Variants in STK31 observed in about 807,000 individuals in gnomAD.
The protein encoded by STK31 is serine/threonine-protein kinase 31.
In STK31, 89 loss-of-function variants were observed where a neutral mutation model predicts 129.7. That is an observed-to-expected ratio of 0.69 (90% CI 0.58 to 0.82). The LOEUF (loss-of-function observed/expected upper bound fraction) is 0.82. Among genes scored for constraint, STK31 ranks in the 40% least tolerant of loss-of-function variants. The pLI, the probability that STK31 is intolerant of heterozygous loss-of-function variation, is 0.00. For synonymous variants in STK31, 448 were observed against 395.3 expected, an observed-to-expected ratio of 1.13 and a Z score of -1.58; for missense variants, 1,187 against 1,176.4, an observed-to-expected ratio of 1.01 and a Z score of -0.13.
intron 20 of STK31, among the ~76,000 whole-genome samples, chr7:23,787,712 C>T (rs1159969188): frequency 3.3e-5 from 5 of 150,400 alleles, no homozygotes; most frequent in South Asian, 2.1e-4. Context: ...TTCATGAAAC[C>T]GGTCCCTGGT....
intron 13 of STK31, among the ~76,000 whole-genome samples, chr7:23,770,594 G>T (rs1189587043): frequency 1.3e-5 from 2 of 152,012 alleles, no homozygotes; most frequent in African/African-American, 4.8e-5. Context: ...GTGTAATACG[G>T]GTAAAGTTTC....
At chr7:23,789,610 G>C (rs928559365) in intron 21 of STK31, among the ~76,000 whole-genome samples, 1 of 152,034 alleles carries the variant, frequency 6.6e-6, no homozygotes, top group African/African-American at 2.4e-5. Flanking sequence ...AAGCTGGATT[G>C]TACAGGATTT....
At chr7:23,819,784 A>G (rs909905289) in intron 23 of STK31, among the ~76,000 whole-genome samples, 1 of 76,638 alleles carries the variant, frequency 1.3e-5, no homozygotes, top group Non-Finnish European at 2.8e-5. Context: ...GGTGTCAAAT[A>G]ATGGAATAGC....
chr7:23,729,070 T>C, intron 5 of STK31, 21 bp from the exon 6 acceptor site: 1 of 1,577,724 alleles, frequency 6.3e-7, no homozygotes, highest in Non-Finnish European at 8.6e-7. Context: ...AGTATTCGTA[T>C]TTGTCTCTTA....
intron 22 of STK31, among the ~76,000 whole-genome samples, chr7:23,797,351 C>T (rs1013551278): frequency 1.3e-5 from 2 of 152,086 alleles, no homozygotes; most frequent in Non-Finnish European, 2.9e-5. Flanking sequence ...CAGAAATTGA[C>T]CACATTATTG....
chr7:23,739,052 AC>A (rs1787893908), intron 8 of STK31, among the ~76,000 whole-genome samples: 1 of 152,228 alleles, frequency 6.6e-6, no homozygotes, highest in Admixed American at 6.5e-5. Flanking sequence ...GAATTGCCAC[AC>A]TGTCTTCCGC....
At position 23,801,692 on chromosome 7, in the gene STK31, A is replaced by G. The variant is rs113841465; in HGVS notation, c.2760+10746A>G. Among the ~76,000 whole-genome samples, 329 of 152,292 alleles carry G rather than the reference A, an allele frequency of 2.2e-3. 3 individuals carry two copies. The highest frequency in any genetic ancestry group is 7.6e-3 in the African/African-American group (314 of 41,564). ...GTTGTATGGTTTACATTTAGAGCTG[A>G]GATCTCTTTGGATGTAATTTTTGTG... is the stretch of plus-strand genomic sequence containing the variant. On this transcript the variant is annotated intron_variant, in intron 22 of 23. Coordinates refer to ENST00000355870, the MANE Select transcript of STK31 (RefSeq NM_031414.5).
Position 23,772,258 on chromosome 7 carries a change from G to A in STK31, c.1945G>A (p.Glu649Lys), listed in dbSNP as rs1438042945. The A allele has an allele frequency of 1.2e-6, 2 of 1,604,490 alleles. No individual in the cohort carries two copies. The highest frequency in any genetic ancestry group is 1.7e-6 in the Non-Finnish European group (2 of 1,176,854). ...LKALLRWKLVEKSNLEESDDP... is the reference protein window; with the variant it reads ...LKALLRWKLVKKSNLEESDDP... ...AGCTCTACTCAGATGGAAATTGGTT[G>A]AAAAGAGTAATTTGGAAGAGGTAAG... The change falls in exon 15 of 24, where the codon GAA becomes AAA. Residue 649 changes from glutamate (E) to lysine (K), a missense_variant. Physicochemically the swap from Glu to Lys is moderately conservative, Grantham distance 56 (BLOSUM62 1). This residue lies in a region of STK31 where 975 missense variants were observed against 934.9 expected (regional missense o/e 1.04). Transcript: ENST00000355870.
At chr7:23,737,148 T>G in intron 8 of STK31, 70 bp downstream of exon 8, 1 of 1,331,654 alleles carries the variant, frequency 7.5e-7, no homozygotes. Flanking sequence ...TGCTATTTAT[T>G]TTTCTGTCAC....
At chr7:23,810,673 A>T (rs1375001951) in intron 22 of STK31, among the ~76,000 whole-genome samples, 1 of 131,834 alleles carries the variant, frequency 7.6e-6, no homozygotes, top group Non-Finnish European at 1.6e-5. Flanking sequence ...TATATAATAT[A>T]TATAAAATAG....
intron 4 of STK31, among the ~76,000 whole-genome samples, chr7:23,723,842 T>C (rs1326820327): frequency 6.6e-6 from 1 of 152,208 alleles, no homozygotes; most frequent in African/African-American, 2.4e-5. Flanking sequence ...CTTCACTTTG[T>C]TGAGTACTGT....
intron 1 of STK31, chr7:23,710,723 T>A (rs1046074663): frequency 1.9e-6 from 2 of 1,069,478 alleles, no homozygotes; most frequent in African/African-American, 1.6e-5. Context: ...TATTTTGTGA[T>A]CTCTGTTTGC....
At chr7:23,793,596 A>G (rs1303459073) in intron 22 of STK31, among the ~76,000 whole-genome samples, 2 of 152,232 alleles carry the variant, frequency 1.3e-5, no homozygotes, top group Admixed American at 1.3e-4. Context: ...TACTTTACCA[A>G]AGAAGGTGTC....
At chr7:23,825,133 C>A (rs946382740) in intron 23 of STK31, among the ~76,000 whole-genome samples, 5 of 152,202 alleles carry the variant, frequency 3.3e-5, no homozygotes, top group Non-Finnish European at 7.4e-5. Context: ...AGGGAGGATT[C>A]CCTCTTTTTC....
chr7:23,788,151 A>C (rs770393453), intron 21 of STK31, 22 bp downstream of exon 21: 2 of 1,598,466 alleles, frequency 1.3e-6, no homozygotes, highest in South Asian at 1.1e-5. Context: ...TGGTTTTACA[A>C]ATAGGTTCTA....
chr7:23,772,428 G>A, intron 15 of STK31, 150 bp downstream of exon 15: 1 of 768,564 alleles, frequency 1.3e-6, no homozygotes, highest in Non-Finnish European at 1.9e-6. Flanking sequence ...TGTTTTCTGT[G>A]TATATAAATA....
At chr7:23,808,035 G>T (rs926518931) in intron 22 of STK31, among the ~76,000 whole-genome samples, 1 of 150,824 alleles carries the variant, frequency 6.6e-6, no homozygotes, top group East Asian at 1.9e-4. Flanking sequence ...TTTGGTGTCC[G>T]GTGGTTGTCT....
At chr7:23,828,789 A>T (rs2128133812) in intron 23 of STK31, among the ~76,000 whole-genome samples, 1 of 152,090 alleles carries the variant, frequency 6.6e-6, no homozygotes, top group South Asian at 2.1e-4. Context: ...TTCTTGCCTG[A>T]TTGTTCTGAC....
chr7:23,805,789 T>C (rs1792669411), intron 22 of STK31, among the ~76,000 whole-genome samples: 1 of 152,228 alleles, frequency 6.6e-6, no homozygotes, highest in East Asian at 1.9e-4. Flanking sequence ...CCAGCCCATA[T>C]TTGTTAATTT....
Sources: allele counts gnomAD v4.1 joint callset (sites outside exome capture counted in the v4.1 genomes callset), GRCh38; gene constraint gnomAD v4.1.1; regional missense constraint gnomAD v4.1.1; transcripts MANE v1.5; gene names NCBI Gene and HGNC (gene_info 2026-07-23, HGNC 2026-07-21).